Variants in CPXM2 observed in about 807,000 individuals in gnomAD.
CPXM2 encodes the protein carboxypeptidase X, M14 family member 2, also known as inactive carboxypeptidase-like protein X2.
Under a neutral mutation model 86.1 loss-of-function variants are expected in CPXM2, and 66 were observed. The observed-to-expected ratio is 0.77, with a 90% CI of 0.63 to 0.94. CPXM2 has a LOEUF of 0.94. CPXM2 is among the 40% of genes least tolerant of loss of function. The probability of loss-of-function intolerance (pLI) is 0.00; values close to 1 mark genes in which losing one functional copy is unlikely to be tolerated. For missense variants in CPXM2, 948 were observed against 1,026.3 expected, an observed-to-expected ratio of 0.92 and a Z score of 1.04; for synonymous variants, 388 against 400.2, an observed-to-expected ratio of 0.97 and a Z score of 0.36.
chr10:123,750,690 G>A (rs1434010552), intron 13 of CPXM2: 1 of 983,912 alleles, frequency 1.0e-6, no homozygotes, highest in Non-Finnish European at 1.2e-6. Context: ...TACACAGTAG[G>A]AGCTCAATAA....
At chr10:123,811,449 T>C (rs1847694283) in intron 4 of CPXM2, among the ~76,000 whole-genome samples, 1 of 152,166 alleles carries the variant, frequency 6.6e-6, no homozygotes, top group Admixed American at 6.6e-5. Flanking sequence ...CTGACTGGAT[T>C]AGCTACTTAA....
chr10:123,887,806 A>C lies in CPXM2; in HGVS notation c.304+3550T>G, dbSNP rs905427176. 2.0e-5 allele frequency among the ~76,000 whole-genome samples: 3 copies of C among 152,178 alleles called. No homozygotes were observed. In the South Asian group the frequency reaches 6.2e-4, roughly 32 times the overall value. On this transcript the variant is annotated intron_variant, in intron 1 of 13. Transcript: ENST00000241305. Reference sequence around the variant, plus strand: ...TACTAGAATCATCTAAGAGGTTATCACTGGGGGGAGCTGACAAAGCGTACA... The same window carrying C: ...TACTAGAATCATCTAAGAGGTTATCCCTGGGGGGAGCTGACAAAGCGTACA...
upstream of CPXM2, among the ~76,000 whole-genome samples, chr10:123,895,193 G>A (rs937135062): frequency 7.3e-6 from 1 of 137,556 alleles, no homozygotes; most frequent in Non-Finnish European, 1.5e-5. Context: ...GCACCATGTC[G>A]GCTCACGGCA....
intron 13 of CPXM2, among the ~76,000 whole-genome samples, chr10:123,752,862 T>C (rs1013327894): frequency 3.9e-5 from 6 of 152,032 alleles, no homozygotes; most frequent in African/African-American, 1.4e-4. Flanking sequence ...TCGTAATACA[T>C]TGAGGAACAA....
chr10:123,914,475 CTG>C (rs1241774721), intron 2 of CPXM2, among the ~76,000 whole-genome samples: 3 of 152,176 alleles, frequency 2.0e-5, no homozygotes, highest in African/African-American at 7.2e-5. Flanking sequence ...TGTTCCAGGT[CTG>C]TGTGACTGAC....
chr10:123,881,324 C>A (rs1270211823), intron 1 of CPXM2, among the ~76,000 whole-genome samples: 1 of 150,236 alleles, frequency 6.7e-6, no homozygotes, highest in South Asian at 2.1e-4. Flanking sequence ...GCATCGCCTC[C>A]TTAAACTTTC....
In CPXM2 at chr10:123,885,355, G is replaced by T. The variant is rs1945164455; in HGVS notation, c.305-5046C>A. Reference sequence around the variant, plus strand: ...CCTCCAAAAGCTCGGGTTATTAATTGTTCCCATGCCATCGTGAGGAACTGA... The same window carrying T: ...CCTCCAAAAGCTCGGGTTATTAATTTTTCCCATGCCATCGTGAGGAACTGA... On this transcript the variant is annotated intron_variant, in intron 1 of 13. Transcript: ENST00000241305. This position sits in a 1 kb window ranked among gnomAD's most constrained non-coding sequence, Gnocchi z 4.0. Among the ~76,000 whole-genome samples, 1 of 152,172 alleles carries T rather than the reference G, an allele frequency of 6.6e-6. No individual in the cohort carries two copies. Among genetic ancestry groups the T allele is most frequent in the African/African-American group, 2.4e-5 (1 of 41,440 alleles).
chr10:123,922,466 T>G (rs929809542), intron 2 of CPXM2, among the ~76,000 whole-genome samples: 2 of 152,250 alleles, frequency 1.3e-5, no homozygotes, highest in Admixed American at 1.3e-4. Flanking sequence ...CTCTTGGATA[T>G]CTGTGCTTTA....
chr10:123,873,450 A>C (rs117567976), intron 2 of CPXM2, among the ~76,000 whole-genome samples: 3,065 of 152,338 alleles, frequency 0.02, 48 homozygotes, highest in Middle Eastern at 0.041. Flanking sequence ...ATTGATTCGT[A>C]AAATCAATGC....
chr10:123,751,390 T>C (rs1026239310), intron 13 of CPXM2: 1 of 355,190 alleles, frequency 2.8e-6, no homozygotes, highest in Non-Finnish European at 3.9e-6. Context: ...CATTCCCTTG[T>C]TATCTACCCT....
intron 6 of CPXM2, among the ~76,000 whole-genome samples, chr10:123,782,928 C>T (rs1846968042): frequency 6.6e-6 from 1 of 152,216 alleles, no homozygotes; most frequent in Non-Finnish European, 1.5e-5. Context: ...CGGGAAAACC[C>T]ATCAAAACCA....
At chr10:123,896,299 C>T (rs1945337302), upstream of CPXM2, among the ~76,000 whole-genome samples, 1 of 152,156 alleles carries the variant, frequency 6.6e-6, no homozygotes, top group Non-Finnish European at 1.5e-5. Flanking sequence ...AAGAAAAATA[C>T]ATACTCAGGC....
intron 2 of CPXM2, among the ~76,000 whole-genome samples, chr10:123,937,808 C>G (rs1318625152): frequency 6.6e-6 from 1 of 152,130 alleles, no homozygotes; most frequent in Admixed American, 6.5e-5. Context: ...AAAATCAAAG[C>G]CTTTAGAGAA....
At chr10:123,882,959 C>T (rs1414928032) in intron 1 of CPXM2, among the ~76,000 whole-genome samples, 3 of 151,414 alleles carry the variant, frequency 2.0e-5, no homozygotes, top group East Asian at 2.0e-4. Flanking sequence ...AACCCCGCAA[C>T]CATAATACCA....
intron 4 of CPXM2, among the ~76,000 whole-genome samples, chr10:123,807,040 C>G (rs1371705349): frequency 1.3e-5 from 2 of 152,264 alleles, no homozygotes; most frequent in Non-Finnish European, 1.5e-5. Flanking sequence ...ACTCTACCTC[C>G]TTGTATAGTG....
chr10:123,747,348 C>T (rs1026568646), intron 13 of CPXM2, among the ~76,000 whole-genome samples: 3 of 152,212 alleles, frequency 2.0e-5, no homozygotes, highest in African/African-American at 7.2e-5. Context: ...AGTATGCCCT[C>T]GCCACAAAAT....
chr10:123,760,815 C>T (rs1173060099), intron 11 of CPXM2, among the ~76,000 whole-genome samples: 2 of 152,138 alleles, frequency 1.3e-5, no homozygotes, highest in African/African-American at 4.8e-5. Flanking sequence ...TCATCATGCC[C>T]GTTTTTACAA....
At chr10:123,915,882 G>A (rs150673349) in intron 2 of CPXM2, among the ~76,000 whole-genome samples, 13 of 152,162 alleles carry the variant, frequency 8.5e-5, no homozygotes, top group African/African-American at 1.9e-4. Flanking sequence ...CTGGAGTTCC[G>A]CCGAATACTC....
At chr10:123,830,876 G>C (rs61863832) in intron 4 of CPXM2, among the ~76,000 whole-genome samples, 54,570 of 114,600 alleles carry the variant, frequency 0.48, 10,136 homozygotes, top group Non-Finnish European at 0.5. Context: ...CTCTCTCTGT[G>C]TGTGTGTGTG....
Sources: allele counts gnomAD v4.1 joint callset (sites outside exome capture counted in the v4.1 genomes callset), GRCh38; gene constraint gnomAD v4.1.1; non-coding constraint Gnocchi (gnomAD v3.1); transcripts MANE v1.5; gene names NCBI Gene and HGNC (gene_info 2026-07-23, HGNC 2026-07-21).